Variants in PLEKHG1 observed in about 807,000 individuals in gnomAD.
PLEKHG1 encodes pleckstrin homology domain-containing family G member 1.
In PLEKHG1, 44 loss-of-function variants were observed where a neutral mutation model predicts 100.8. The observed-to-expected ratio is 0.44, with a 90% CI of 0.34 to 0.56. The LOEUF is 0.56. PLEKHG1 is among the 20% of genes least tolerant of loss of function. PLEKHG1 has a pLI of 0.01. For missense variants in PLEKHG1, 1,545 were observed against 1,720.9 expected (o/e 0.90, Z 1.81); for synonymous variants, 640 against 662.5 (o/e 0.97, Z 0.52).
At chr6:150,757,583 G>A (rs574503205) in intron 2 of PLEKHG1, among the ~76,000 whole-genome samples, 7 of 145,184 alleles carry the variant, frequency 4.8e-5, no homozygotes, top group Non-Finnish European at 7.5e-5. Context: ...GTGTGTGTAT[G>A]TGTGTGTCAG....
intron 1 of PLEKHG1, among the ~76,000 whole-genome samples, chr6:150,627,009 A>G (rs191678036): frequency 2.5e-4 from 38 of 152,324 alleles, no homozygotes; most frequent in Admixed American, 2.4e-3. Context: ...GGGGCGAGGG[A>G]AGGCCACCAC....
intron 2 of PLEKHG1, among the ~76,000 whole-genome samples, chr6:150,752,263 G>C (rs988030095): frequency 6.6e-6 from 1 of 152,152 alleles, no homozygotes; most frequent in Non-Finnish European, 1.5e-5. Context: ...AATGAACTTT[G>C]TAAAGGTTTT....
At chr6:150,779,194 C>G (rs1285301408) in intron 3 of PLEKHG1, among the ~76,000 whole-genome samples, 2 of 152,070 alleles carry the variant, frequency 1.3e-5, no homozygotes, top group African/African-American at 4.8e-5. Flanking sequence ...GAGTGCCAGG[C>G]ATTCATTCAC....
At chr6:150,780,905 ACT>A (rs1462085156) in intron 3 of PLEKHG1, among the ~76,000 whole-genome samples, 1 of 151,304 alleles carries the variant, frequency 6.6e-6, no homozygotes, top group Non-Finnish European at 1.5e-5. Context: ...ACAGAGTCTC[ACT>A]CTGTCACCCA....
intron 14 of PLEKHG1, among the ~76,000 whole-genome samples, chr6:150,827,423 A>G (rs983089416): frequency 1.3e-5 from 2 of 151,936 alleles, no homozygotes; most frequent in African/African-American, 4.8e-5. Flanking sequence ...GATTACAGGC[A>G]TGCATCACCA....
chr6:150,704,437 T>C (rs1254969633), intron 3 of PLEKHG1, among the ~76,000 whole-genome samples: 3 of 152,248 alleles, frequency 2.0e-5, no homozygotes, highest in Non-Finnish European at 4.4e-5. Context: ...ATTTCTCCTT[T>C]GGAGAGTCTA....
intron 2 of PLEKHG1, among the ~76,000 whole-genome samples, chr6:150,760,935 C>T (rs889035523): frequency 2.6e-5 from 4 of 151,774 alleles, no homozygotes; most frequent in South Asian, 4.2e-4. Flanking sequence ...ATTGTTATAC[C>T]GAAAGGTAAT....
intron 1 of PLEKHG1, among the ~76,000 whole-genome samples, chr6:150,606,342 A>G (rs1283685724): frequency 6.6e-6 from 1 of 152,184 alleles, no homozygotes; most frequent in Non-Finnish European, 1.5e-5. Context: ...CTTCTGTTTT[A>G]TAGATTTAAT....
At chr6:150,755,446 A>G (rs1783781839) in intron 2 of PLEKHG1, among the ~76,000 whole-genome samples, 1 of 152,212 alleles carries the variant, frequency 6.6e-6, no homozygotes, top group Admixed American at 6.5e-5. Context: ...ATTTATCAGC[A>G]TATAGAGTTC....
intron 1 of PLEKHG1, among the ~76,000 whole-genome samples, chr6:150,637,466 T>C (rs999730198): frequency 6.6e-6 from 1 of 152,124 alleles, no homozygotes; most frequent in African/African-American, 2.4e-5. Context: ...GCTCCTCCCT[T>C]TGAGTAACTT....
intron 1 of PLEKHG1, among the ~76,000 whole-genome samples, chr6:150,614,234 G>A (rs1475823616): frequency 6.6e-6 from 1 of 152,142 alleles, no homozygotes; most frequent in Non-Finnish European, 1.5e-5. Flanking sequence ...ACTTGGCCTA[G>A]GCTATCTTTG....
At chr6:150,739,459 G>A (rs1204390839) in intron 2 of PLEKHG1, among the ~76,000 whole-genome samples, 1 of 152,090 alleles carries the variant, frequency 6.6e-6, no homozygotes, top group African/African-American at 2.4e-5. Context: ...CTTGAGGTCA[G>A]GAGTTTGAGA....
Position 150,768,659 on chromosome 6 carries a change from GA to G in PLEKHG1, c.434del (p.Asp145AlafsTer43). 6.2e-7 allele frequency: 1 copy of G among 1,611,294 alleles called. No homozygotes were observed. The highest frequency in any genetic ancestry group is 8.5e-7 in the Non-Finnish European group (1 of 1,177,488). On this transcript the variant is annotated frameshift_variant, in exon 3 of 16. Transcript: ENST00000358517. LOFTEE classifies it high-confidence loss of function. Reference sequence around the variant, plus strand: ...ACAGGATTACCTTGACTGCATCAGGGACCAAACAAAACTTCCCCTGGGGACC... The same window carrying G: ...ACAGGATTACCTTGACTGCATCAGGGCCAAACAAAACTTCCCCTGGGGACC...
intron 3 of PLEKHG1, among the ~76,000 whole-genome samples, chr6:150,773,256 G>T (rs1784793972): frequency 6.6e-6 from 1 of 152,084 alleles, no homozygotes; most frequent in African/African-American, 2.4e-5. Context: ...TCTCTCGGCT[G>T]GGTGCAGTGG....
chr6:150,661,056 T>C (rs1370968428), intron 3 of PLEKHG1, among the ~76,000 whole-genome samples: 1 of 152,094 alleles, frequency 6.6e-6, no homozygotes, highest in African/African-American at 2.4e-5. Context: ...TAGTGGAAAC[T>C]GGATCCCTCA....
At chr6:150,638,867 A>ATT (rs1778133392) in intron 2 of PLEKHG1, among the ~76,000 whole-genome samples, 1 of 152,202 alleles carries the variant, frequency 6.6e-6, no homozygotes. Context: ...CATTCCTGAA[A>ATT]TTTCTTTGTG....
chr6:150,633,586 T>C (rs1333970053), intron 1 of PLEKHG1, among the ~76,000 whole-genome samples: 1 of 152,162 alleles, frequency 6.6e-6, no homozygotes, highest in Non-Finnish European at 1.5e-5. Context: ...CAGATAAAGA[T>C]GCAGGGGCCT....
At chr6:150,742,112 G>T (rs1269897355) in intron 2 of PLEKHG1, among the ~76,000 whole-genome samples, 3 of 152,218 alleles carry the variant, frequency 2.0e-5, no homozygotes, top group Non-Finnish European at 4.4e-5. Context: ...TTGCTATAAA[G>T]AAATACCTGA....
chr6:150,812,584 A>C (rs1300767141), intron 10 of PLEKHG1, among the ~76,000 whole-genome samples: 1 of 152,240 alleles, frequency 6.6e-6, no homozygotes, highest in Non-Finnish European at 1.5e-5. Flanking sequence ...AGGGGGATTA[A>C]GAAGGAACGG....
Sources: allele counts gnomAD v4.1 joint callset (sites outside exome capture counted in the v4.1 genomes callset), GRCh38; gene constraint gnomAD v4.1.1; transcripts MANE v1.5; gene names NCBI Gene and HGNC (gene_info 2026-07-23, HGNC 2026-07-21).